Variants in EBF1 observed in about 807,000 individuals in gnomAD.
EBF1 encodes the protein transcription factor COE1.
In EBF1, 10 loss-of-function variants were observed where a neutral mutation model predicts 68.4. The ratio of observed to expected loss-of-function variants is 0.15; its 90% CI spans 0.09 to 0.25. The LOEUF (loss-of-function observed/expected upper bound fraction) is 0.25, where lower values mean the gene tolerates loss of function less well. EBF1 is among the 10% of genes least tolerant of loss of function. The probability of loss-of-function intolerance (pLI) is 1.00; values close to 1 mark genes in which losing one functional copy is unlikely to be tolerated. For missense variants in EBF1, 509 were observed against 794.4 expected (o/e 0.64, Z 4.32); for synonymous variants, 298 against 299.8 (o/e 0.99, Z 0.06).
At chr5:158,948,050 G>A (rs1050659384) in intron 6 of EBF1, among the ~76,000 whole-genome samples, 50 of 152,204 alleles carry the variant, frequency 3.3e-4, no homozygotes, top group African/African-American at 1.1e-3. Context: ...TAGAGGGTGA[G>A]TGTGCTTCCT....
At chr5:158,968,525 A>G (rs1264334565) in intron 6 of EBF1, among the ~76,000 whole-genome samples, 4 of 152,238 alleles carry the variant, frequency 2.6e-5, no homozygotes, top group Non-Finnish European at 5.9e-5. Flanking sequence ...ATAGCAATAG[A>G]TGAGAGACAA....
At chr5:158,728,272 T>G (rs1486687322) in intron 11 of EBF1, among the ~76,000 whole-genome samples, 2 of 152,140 alleles carry the variant, frequency 1.3e-5, no homozygotes, top group Non-Finnish European at 2.9e-5. Context: ...CCTTGCACGA[T>G]CAAGTGGCTA....
intron 6 of EBF1, among the ~76,000 whole-genome samples, chr5:158,869,608 C>T (rs1015484184): frequency 6.6e-6 from 1 of 151,728 alleles, no homozygotes; most frequent in Non-Finnish European, 1.5e-5. Flanking sequence ...CACACACACA[C>T]ACACACACAC....
intron 10 of EBF1, among the ~76,000 whole-genome samples, chr5:158,749,030 C>G (rs1284870967): frequency 6.6e-6 from 1 of 152,134 alleles, no homozygotes; most frequent in Non-Finnish European, 1.5e-5. Context: ...GCAATCTTGT[C>G]AAGTTGTGGC....
At chr5:158,706,324 G>T (rs892239410) in intron 15 of EBF1, among the ~76,000 whole-genome samples, 11 of 151,994 alleles carry the variant, frequency 7.2e-5, no homozygotes, top group African/African-American at 2.7e-4. Context: ...AGGTTCTGAG[G>T]AGTATTTTGA....
chr5:158,943,837 A>G lies in EBF1; in HGVS notation c.555-103727T>C, dbSNP rs572426219. ...GCACAACTGCTCCATGTTTGGGTCA[A>G]TCAAGTGACTTATAATCATTTCTCT... is the stretch of plus-strand genomic sequence containing the variant. On this transcript the variant is annotated intron_variant, in intron 6 of 15. Coordinates refer to ENST00000313708, the MANE Select transcript of EBF1 (RefSeq NM_024007.5). 1.4e-3 allele frequency among the ~76,000 whole-genome samples: 214 copies of G among 152,368 alleles called. 2 individuals carry two copies. The highest frequency in any genetic ancestry group is 1.9e-3 in the Non-Finnish European group (128 of 68,038).
chr5:159,073,720 A>G, intron 5 of EBF1: 2 of 503,428 alleles, frequency 4.0e-6, no homozygotes, highest in South Asian at 2.5e-5. Context: ...GAACCCCAAG[A>G]TGGGGTCTCC....
intron 6 of EBF1, among the ~76,000 whole-genome samples, chr5:159,047,920 G>T (rs1421852764): frequency 6.6e-6 from 1 of 152,170 alleles, no homozygotes; most frequent in Non-Finnish European, 1.5e-5. Context: ...ATCTTACAGA[G>T]CTGCCCAACC....
intron 6 of EBF1, among the ~76,000 whole-genome samples, chr5:159,022,655 GT>G (rs1316900274): frequency 3.3e-5 from 5 of 152,314 alleles, no homozygotes; most frequent in Admixed American, 2.0e-4. Flanking sequence ...CTGCCTTGCA[GT>G]TTGTATATAA....
chr5:158,761,141 C>G (rs1321276150), intron 10 of EBF1, among the ~76,000 whole-genome samples: 1 of 152,170 alleles, frequency 6.6e-6, no homozygotes, highest in Non-Finnish European at 1.5e-5. Context: ...AAATTTCATT[C>G]CTAATGCTTT....
intron 11 of EBF1, among the ~76,000 whole-genome samples, chr5:158,724,446 C>T (rs1227652023): frequency 1.3e-5 from 2 of 152,140 alleles, no homozygotes; most frequent in African/African-American, 4.8e-5. Context: ...TAGGAGGCAA[C>T]GTGGTTATGC....
intron 6 of EBF1, among the ~76,000 whole-genome samples, chr5:159,073,000 T>C (rs180965357): frequency 5.9e-5 from 9 of 151,488 alleles, no homozygotes; most frequent in Admixed American, 3.9e-4. Context: ...AGAACTACTG[T>C]AGCTAAAAGT....
At chr5:158,880,479 A>ATT (rs1798685377) in intron 6 of EBF1, among the ~76,000 whole-genome samples, 1 of 152,164 alleles carries the variant, frequency 6.6e-6, no homozygotes, top group Non-Finnish European at 1.5e-5. Flanking sequence ...ACGCTGGTAC[A>ATT]TTCCCACACT....
chr5:159,046,104 T>G (rs560141309), intron 6 of EBF1, among the ~76,000 whole-genome samples: 36 of 152,274 alleles, frequency 2.4e-4, no homozygotes, highest in African/African-American at 7.9e-4. Context: ...TTCCTCCAAG[T>G]CTAACTCAAA....
chr5:158,722,567 C>T (rs572913408), intron 11 of EBF1, among the ~76,000 whole-genome samples: 25 of 152,266 alleles, frequency 1.6e-4, no homozygotes, highest in East Asian at 1.5e-3. Context: ...TTGAGTGACA[C>T]GTTCCCATAC....
chr5:158,847,581 T>C (rs1049544535), intron 6 of EBF1, among the ~76,000 whole-genome samples: 4 of 152,218 alleles, frequency 2.6e-5, no homozygotes, highest in African/African-American at 9.6e-5. Context: ...GTAGAGAAGA[T>C]GTTTATCCTC....
At chr5:159,094,182 A>AC (rs1296389716) in intron 4 of EBF1, among the ~76,000 whole-genome samples, 3 of 146,816 alleles carry the variant, frequency 2.0e-5, no homozygotes, top group Non-Finnish European at 4.5e-5. Context: ...AAAAAAAAAA[A>AC]AAAAAAAAAA....
chr5:158,824,289 G>C (rs373267855), intron 7 of EBF1, among the ~76,000 whole-genome samples: 2 of 152,146 alleles, frequency 1.3e-5, no homozygotes, highest in Admixed American at 6.5e-5. Flanking sequence ...AACTTTGCTC[G>C]ACAGTTTATT....
intron 6 of EBF1, among the ~76,000 whole-genome samples, chr5:158,895,556 G>A (rs1802009470): frequency 6.6e-6 from 1 of 152,066 alleles, no homozygotes; most frequent in East Asian, 1.9e-4. Context: ...CAAGAGGCTG[G>A]GCCAGAAAGA....
Sources: allele counts gnomAD v4.1 joint callset (sites outside exome capture counted in the v4.1 genomes callset), GRCh38; gene constraint gnomAD v4.1.1; transcripts MANE v1.5; gene names NCBI Gene and HGNC (gene_info 2026-07-23, HGNC 2026-07-21).